Variants in KLHL15 observed in about 807,000 individuals in gnomAD.
The protein encoded by KLHL15 is kelch like family member 15.
KLHL15 carries 1 observed loss-of-function variant against 29.3 expected under a neutral mutation model. That is an observed-to-expected ratio of 0.03 (90% CI 0.01 to 0.16). KLHL15 has a LOEUF of 0.16. Ranked by LOEUF, KLHL15 falls within the 10% of genes least tolerant of loss-of-function variation. The pLI is 1.00. For missense variants in KLHL15, 215 were observed against 478.5 expected (o/e 0.45, Z 5.14); for synonymous variants, 212 against 184.5 (o/e 1.15, Z -1.21).
intron 3 of KLHL15, among the ~76,000 whole-genome samples, chrX:24,001,818 A>AG (rs1277639434): frequency 9.6e-6 from 1 of 104,119 alleles, no homozygotes; most frequent in African/African-American, 3.5e-5. Context: ...AAAAAAAAAA[A>AG]AAAAAAAAAG....
At chrX:23,992,221 A>G (rs1008973045) in intron 3 of KLHL15, among the ~76,000 whole-genome samples, 11 of 112,061 alleles carry the variant, frequency 9.8e-5, no homozygotes, top group African/African-American at 3.2e-4. Context: ...CATATCCTCA[A>G]CTGTATTATT....
At chrX:24,016,111 G>A (rs1193215050) in intron 2 of KLHL15, among the ~76,000 whole-genome samples, 1 of 108,484 alleles carries the variant, frequency 9.2e-6, no homozygotes, top group African/African-American at 3.4e-5. Flanking sequence ...CACTTTGGGA[G>A]GCCAAGGCGG....
intron 2 of KLHL15, among the ~76,000 whole-genome samples, chrX:24,007,076 C>T (rs1929459299): frequency 9.0e-6 from 1 of 110,585 alleles, no homozygotes; most frequent in Non-Finnish European, 1.9e-5. Context: ...TGCCAGCAGC[C>T]CCAGCTTCTT....
chrX:24,024,424 T>C (rs1235709939), intron 2 of KLHL15, among the ~76,000 whole-genome samples: 1 of 112,102 alleles, frequency 8.9e-6, no homozygotes, highest in Non-Finnish European at 1.9e-5. Flanking sequence ...CCCTGCGATG[T>C]TGGTAGTACC....
chrX:24,019,710 G>A (rs1260284603), intron 2 of KLHL15, among the ~76,000 whole-genome samples: 2 of 111,500 alleles, frequency 1.8e-5, no homozygotes, highest in African/African-American at 6.5e-5. Context: ...TGCCCTGGAA[G>A]ACTATTACTG....
chrX:24,017,783 A>C (rs1207500940), intron 2 of KLHL15, among the ~76,000 whole-genome samples: 4 of 67,830 alleles, frequency 5.9e-5, no homozygotes, highest in Non-Finnish European at 1.1e-4. Flanking sequence ...ATGTCCCAAA[A>C]AAAAAAAAAA....
At chrX:23,990,323 A>G (rs1443412280) in intron 3 of KLHL15, among the ~76,000 whole-genome samples, 1 of 111,342 alleles carries the variant, frequency 9.0e-6, no homozygotes, top group Non-Finnish European at 1.9e-5. Context: ...GTATGAAGCC[A>G]AACAGCACAT....
At chrX:23,990,468 G>A (rs902170234) in intron 3 of KLHL15, among the ~76,000 whole-genome samples, 1 of 111,642 alleles carries the variant, frequency 9.0e-6, no homozygotes, top group African/African-American at 3.3e-5. Flanking sequence ...AAGGATAAGA[G>A]GGTCTTAAAT....
chrX:24,016,178 C>T (rs1376409034), intron 2 of KLHL15, among the ~76,000 whole-genome samples: 13 of 101,881 alleles, frequency 1.3e-4, no homozygotes, highest in Non-Finnish European at 2.0e-4. Flanking sequence ...GAAACCCCGT[C>T]TCTACTAAAA....
Position 23,992,515 on chromosome X carries a change from G to C in KLHL15, c.706-3485C>G, listed in dbSNP as rs1417327443. On this transcript the variant is annotated intron_variant, in intron 3 of 3. Transcript: ENST00000328046. ...GAAACATGATTGGTAATGTGCAAAT[G>C]GGAGGAAGCTTTAGAGAAAGAAGCC... Among the ~76,000 whole-genome samples the C allele has an allele frequency of 4.5e-5, 5 of 111,991 alleles. 1 individual carries two copies. The East Asian group carries it at 1.1e-3, about 25-fold the overall frequency.
At chrX:24,025,487 G>T (rs1464486591) in intron 1 of KLHL15, among the ~76,000 whole-genome samples, 4 of 105,399 alleles carry the variant, frequency 3.8e-5, no homozygotes, top group Non-Finnish European at 5.9e-5. Context: ...GTGCGCTGTC[G>T]TCTTGACGCG....
intron 3 of KLHL15, among the ~76,000 whole-genome samples, chrX:24,001,053 G>A (rs747442920): frequency 8.9e-6 from 1 of 112,023 alleles, no homozygotes; most frequent in South Asian, 3.7e-4. Flanking sequence ...GGGATATACT[G>A]AATTACATTT....
chrX:24,025,121 G>A (rs769309718), intron 1 of KLHL15, 63 bp from the exon 2 acceptor site: 1 of 293,926 alleles, frequency 3.4e-6, no homozygotes, highest in East Asian at 4.8e-5. Flanking sequence ...GAGGCGGCGC[G>A]GCGTCGGGGC....
chrX:24,017,031 C>T (rs759384856), intron 2 of KLHL15, among the ~76,000 whole-genome samples: 3 of 109,723 alleles, frequency 2.7e-5, no homozygotes, highest in East Asian at 5.8e-4. Flanking sequence ...TTCTAGCCTG[C>T]GCAACATATC....
intron 3 of KLHL15, among the ~76,000 whole-genome samples, chrX:24,000,105 G>A (rs922581166): frequency 8.9e-6 from 1 of 111,981 alleles, no homozygotes; most frequent in Non-Finnish European, 1.9e-5. Context: ...GTATCTGAAG[G>A]AGATTTAGAA....
intron 2 of KLHL15, among the ~76,000 whole-genome samples, chrX:24,008,692 AAAC>A (rs1379475666): frequency 2.7e-5 from 3 of 109,769 alleles, no homozygotes; most frequent in African/African-American, 1.0e-4. Flanking sequence ...ATTCTCTCCC[AAAC>A]CTTTCCACTG....
chrX:24,026,390 G>A (rs758641439), intron 1 of KLHL15, among the ~76,000 whole-genome samples: 1 of 111,992 alleles, frequency 8.9e-6, no homozygotes, highest in Non-Finnish European at 1.9e-5. Context: ...ACCTTTTCTT[G>A]ACAAGAATAT....
At chrX:24,008,884 C>A (rs72620471) in intron 2 of KLHL15, among the ~76,000 whole-genome samples, 37,991 of 98,351 alleles carry the variant, frequency 0.39, 6,957 homozygotes, top group South Asian at 0.73. Context: ...AAAAAAAAAA[C>A]AAAACAAAAA....
chrX:24,008,862 C>T (rs1184928196), intron 2 of KLHL15, among the ~76,000 whole-genome samples: 5 of 87,619 alleles, frequency 5.7e-5, no homozygotes, highest in African/African-American at 1.7e-4. Context: ...TCTACTCCCA[C>T]GCGTGTTAGA....
Sources: allele counts gnomAD v4.1 joint callset (sites outside exome capture counted in the v4.1 genomes callset), GRCh38; gene constraint gnomAD v4.1.1; transcripts MANE v1.5; gene names NCBI Gene and HGNC (gene_info 2026-07-23, HGNC 2026-07-21).